ITPR1: variants seen among roughly 807,000 people sequenced by gnomAD.
ITPR1 encodes inositol 1,4,5-trisphosphate receptor type 1.
In ITPR1, 96 loss-of-function variants were observed where a neutral mutation model predicts 318.4. The observed-to-expected ratio is 0.30, with a 90% confidence interval of 0.26 to 0.36. The LOEUF (loss-of-function observed/expected upper bound fraction) is 0.36, where lower values mean the gene tolerates loss of function less well. Ranked by LOEUF, ITPR1 falls within the 10% of genes least tolerant of loss-of-function variation. The probability of loss-of-function intolerance (pLI) is 1.00; values close to 1 mark genes in which losing one functional copy is unlikely to be tolerated. For missense variants in ITPR1, 2,440 were observed against 3,460.2 expected (o/e 0.71, Z 7.40); for synonymous variants, 1,312 against 1,289.9 (o/e 1.02, Z -0.37).
At chr3:4,725,488 C>G in intron 40 of ITPR1, 58 bp from the exon 41 acceptor site, 1 of 1,434,472 alleles carries the variant, frequency 7.0e-7, no homozygotes, top group Non-Finnish European at 9.7e-7. Flanking sequence ...CTGGACTTCT[C>G]TGTGGCCCAC....
At chr3:4,760,183 G>C (rs151203788) in intron 44 of ITPR1, among the ~76,000 whole-genome samples, 1 of 152,364 alleles carries the variant, frequency 6.6e-6, no homozygotes, top group Non-Finnish European at 1.5e-5. Context: ...TCTATAATGT[G>C]ACAGATTTAT....
chr3:4,581,068 G>A (rs1218348551), intron 4 of ITPR1, among the ~76,000 whole-genome samples: 1 of 152,130 alleles, frequency 6.6e-6, no homozygotes, highest in African/African-American at 2.4e-5. Context: ...AAACTCAAAC[G>A]TTTCAGAAGC....
chr3:4,731,446 TG>T lies in ITPR1; in HGVS notation c.5221-1639del, dbSNP rs1480082090. On this transcript the variant is annotated intron_variant, in intron 42 of 61. Coordinates refer to ENST00000649015, the MANE Select transcript of ITPR1 (RefSeq NM_001378452.1). ...AATTTTGAATTTACAGTCAGTCCAG[TG>T]GGAAATGAGTTTCATGAGCTGATAG... Among the ~76,000 whole-genome samples the T allele has an allele frequency of 2.6e-5, 4 of 152,344 alleles. No homozygotes were observed. In the East Asian group the frequency reaches 7.7e-4, roughly 29 times the overall value.
At chr3:4,528,262 T>C (rs947729222) in intron 4 of ITPR1, among the ~76,000 whole-genome samples, 1 of 152,214 alleles carries the variant, frequency 6.6e-6, no homozygotes, top group Non-Finnish European at 1.5e-5. Context: ...ACAGGCAGGT[T>C]AACGTTAGAA....
chr3:4,798,158 G>A (rs1358606925), intron 53 of ITPR1, among the ~76,000 whole-genome samples: 1 of 152,194 alleles, frequency 6.6e-6, no homozygotes, highest in African/African-American at 2.4e-5. Context: ...AAGCATTTCA[G>A]AAAATGATAA....
intron 4 of ITPR1, among the ~76,000 whole-genome samples, chr3:4,615,208 C>G (rs2125106579): frequency 6.6e-6 from 1 of 152,200 alleles, no homozygotes; most frequent in South Asian, 2.1e-4. Flanking sequence ...TTAATAAGCC[C>G]TGAGTCTTCT....
At chr3:4,704,947 A>G (rs1232760662) in intron 36 of ITPR1, among the ~76,000 whole-genome samples, 2 of 151,670 alleles carry the variant, frequency 1.3e-5, no homozygotes, top group Non-Finnish European at 2.9e-5. Flanking sequence ...AATTATTTGT[A>G]TTTTTCCAAA....
At chr3:4,651,816 T>C (rs1461412589) in intron 10 of ITPR1, among the ~76,000 whole-genome samples, 1 of 152,248 alleles carries the variant, frequency 6.6e-6, no homozygotes, top group Admixed American at 6.5e-5. Context: ...TTGGCTGTGC[T>C]TTTGGTAGGT....
At chr3:4,623,619 G>A (rs2092718927) in intron 4 of ITPR1, among the ~76,000 whole-genome samples, 1 of 152,136 alleles carries the variant, frequency 6.6e-6, no homozygotes, top group African/African-American at 2.4e-5. Context: ...GAGTGTTAGG[G>A]CCCAGTGCAA....
chr3:4,527,357 G>A (rs535262543), intron 4 of ITPR1, among the ~76,000 whole-genome samples: 2 of 152,180 alleles, frequency 1.3e-5, no homozygotes, highest in South Asian at 4.2e-4. Flanking sequence ...TTAAATTTTT[G>A]TAGAGATGGG....
In ITPR1 at chr3:4,710,309, T is replaced by A. The variant is rs777779365; in HGVS notation, c.4843-16T>A. 6.5e-7 allele frequency: 1 copy of A among 1,531,228 alleles called. No homozygotes were observed. The highest frequency in any genetic ancestry group is 8.8e-7 in the Non-Finnish European group (1 of 1,131,126). 94.9% of individuals were successfully genotyped at this position (1,531,228 alleles called of 1,614,324 possible). ...GTCTGCCTGAGCCGTTGACTGAGGC[T>A]GTGTTTCCGTTTTAGGACATCGTCT... On this transcript the variant is annotated splice_polypyrimidine_tract_variant and intron_variant, in intron 37 of 61. Coordinates refer to ENST00000649015, the MANE Select transcript of ITPR1 (RefSeq NM_001378452.1). The surrounding 1 kb of genome is among the most constrained non-coding windows in gnomAD (Gnocchi z 4.2).
chr3:4,720,492 G>C (rs1018643693), intron 40 of ITPR1, among the ~76,000 whole-genome samples: 1 of 152,192 alleles, frequency 6.6e-6, no homozygotes, highest in African/African-American at 2.4e-5. Flanking sequence ...AGTCCACCTA[G>C]TTTTCATAGA....
chr3:4,592,455 C>T (rs2090466235), intron 4 of ITPR1, among the ~76,000 whole-genome samples: 1 of 151,914 alleles, frequency 6.6e-6, no homozygotes, highest in Non-Finnish European at 1.5e-5. Flanking sequence ...TCTTGTTTTC[C>T]CTTTGTGGCC....
At chr3:4,656,815 T>G (rs1375009219) in intron 12 of ITPR1, among the ~76,000 whole-genome samples, 1 of 152,096 alleles carries the variant, frequency 6.6e-6, no homozygotes, top group African/African-American at 2.4e-5. Context: ...ACAAAGAAAA[T>G]GTGCTTCCTC....
chr3:4,715,348 C>T (rs2041689904), intron 39 of ITPR1, among the ~76,000 whole-genome samples: 2 of 152,188 alleles, frequency 1.3e-5, no homozygotes, highest in African/African-American at 4.8e-5. Flanking sequence ...TGTATCAAAA[C>T]TTAAACATCT....
At chr3:4,586,937 G>A (rs2089965654) in intron 4 of ITPR1, among the ~76,000 whole-genome samples, 1 of 151,984 alleles carries the variant, frequency 6.6e-6, no homozygotes, top group Admixed American at 6.6e-5. Flanking sequence ...CTCTTAGGTA[G>A]GTCTCCGACC....
intron 24 of ITPR1, among the ~76,000 whole-genome samples, 187 bp from the exon 25 acceptor site, chr3:4,680,366 A>G (rs976549016): frequency 6.6e-6 from 1 of 152,210 alleles, no homozygotes; most frequent in African/African-American, 2.4e-5. Context: ...GGCAGACTTC[A>G]TATGCCCCAT....
At chr3:4,549,891 G>T (rs995446720) in intron 4 of ITPR1, among the ~76,000 whole-genome samples, 3 of 152,188 alleles carry the variant, frequency 2.0e-5, no homozygotes. Context: ...GGCAGAAAAG[G>T]GAGGAAAGAA....
rs748401794 is a variant in ITPR1, at chr3:4,768,759, C to A, written c.5974C>A (p.Leu1992Met). 1 of 1,609,592 alleles carries A rather than the reference C, an allele frequency of 6.2e-7. No individual in the cohort carries two copies. The highest frequency in any genetic ancestry group is 8.5e-7 in the Non-Finnish European group (1 of 1,176,642). Residue 1992 changes from leucine to methionine, a missense_variant, in exon 46 of 62, where the codon CTG (leucine) becomes ATG (methionine). Transcript: ENST00000649015. ...CCTGTGTGAAAACCACAACCGAGACCTGCAGGTGAGGGCCTGGGGGTGGGG... is the reference window on the plus strand; with the variant it reads ...CCTGTGTGAAAACCACAACCGAGACATGCAGGTGAGGGCCTGGGGGTGGGG... ...QLLCENHNRD[L>M]QNFLRCQNNK...
Sources: allele counts gnomAD v4.1 joint callset (sites outside exome capture counted in the v4.1 genomes callset), GRCh38; gene constraint gnomAD v4.1.1; non-coding constraint Gnocchi (gnomAD v3.1); transcripts MANE v1.5; gene names NCBI Gene and HGNC (gene_info 2026-07-23, HGNC 2026-07-21).